PCDHGA1: variants seen among roughly 807,000 people sequenced by gnomAD.
PCDHGA1 encodes the protein protocadherin gamma-A1.
A neutral mutation model predicts 58.0 loss-of-function variants in PCDHGA1; 32 were observed. The ratio of observed to expected loss-of-function variants is 0.55; its 90% CI spans 0.42 to 0.74. The LOEUF is 0.74. PCDHGA1 is among the 30% of genes least tolerant of loss of function. The pLI is 0.00. For synonymous variants in PCDHGA1, 498 were observed against 501.1 expected, an observed-to-expected ratio of 0.99 and a Z score of 0.08; for missense variants, 1,205 against 1,182.3, an observed-to-expected ratio of 1.02 and a Z score of -0.28.
chr5:141,485,938 A>G lies in PCDHGA1; in HGVS notation c.2422-8869A>G. The stretch of plus-strand genomic sequence containing the variant: ...ACAGGATTAGTGTGTTGGAGAGCGC[A>G]CCAGCGGGCATGGTGCTCATCCAGC... On this transcript the variant is annotated intron_variant, in intron 1 of 3. Transcript: ENST00000517417. The surrounding 1 kb of genome is among the most constrained non-coding windows in gnomAD (Gnocchi z 5.7). 6.2e-7 allele frequency: 1 copy of G among 1,614,162 alleles called. No individual in the cohort carries two copies. The highest frequency in any genetic ancestry group is 1.3e-5 in the African/African-American group (1 of 75,028).
chr5:141,457,264 C>T (rs2098915249), intron 1 of PCDHGA1, among the ~76,000 whole-genome samples: 1 of 152,142 alleles, frequency 6.6e-6, no homozygotes, highest in South Asian at 2.1e-4. Flanking sequence ...ATAGAATTCC[C>T]CTCTGTGGGC....
chr5:141,335,764 T>C (rs1180870276), intron 1 of PCDHGA1, among the ~76,000 whole-genome samples: 2 of 152,164 alleles, frequency 1.3e-5, no homozygotes, highest in Admixed American at 1.3e-4. Flanking sequence ...AATAATATAC[T>C]TGCCTTACAA....
In PCDHGA1 at chr5:141,493,079, G is replaced by A. The variant is rs1299289839; in HGVS notation, c.2422-1728G>A. 6.6e-6 allele frequency among the ~76,000 whole-genome samples: 1 copy of A among 152,204 alleles called. No homozygotes were observed. Among genetic ancestry groups the A allele is most frequent in the East Asian group, 1.9e-4 (1 of 5,196 alleles). Reference sequence around the variant, plus strand: ...AAAAACACAAGTTTCTCCAACTCCAGGAGCTTTTATTCAAAATATATCAAT... The same window carrying A: ...AAAAACACAAGTTTCTCCAACTCCAAGAGCTTTTATTCAAAATATATCAAT... On this transcript the variant is annotated intron_variant, in intron 1 of 3. Transcript: ENST00000517417. The surrounding 1 kb of genome is among the most constrained non-coding windows in gnomAD (Gnocchi z 4.3).
intron 1 of PCDHGA1, among the ~76,000 whole-genome samples, chr5:141,386,717 A>G (rs2090680763): frequency 6.6e-6 from 1 of 152,214 alleles, no homozygotes; most frequent in South Asian, 2.1e-4. Flanking sequence ...TGCTGACACC[A>G]ACAATGTTAC....
chr5:141,428,029 C>T (rs775747505), intron 1 of PCDHGA1: 1 of 1,607,160 alleles, frequency 6.2e-7, no homozygotes, highest in Non-Finnish European at 8.5e-7. Flanking sequence ...GCCGCAGAGT[C>T]CGGCTACCTG....
chr5:141,360,690 T>C (rs747739176), intron 1 of PCDHGA1: 5 of 1,613,954 alleles, frequency 3.1e-6, no homozygotes, highest in Non-Finnish European at 4.2e-6. Flanking sequence ...AGAAACAGAC[T>C]CCAGATGGTC....
Position 141,476,019 on chromosome 5 carries a change from C to T in PCDHGA1, c.2422-18788C>T, listed in dbSNP as rs964061075. The T allele has an allele frequency of 3.9e-5, 54 of 1,390,282 alleles. 1 individual carries two copies. Among genetic ancestry groups the T allele is most frequent in the Non-Finnish European group, 4.9e-5 (51 of 1,034,212 alleles). 86.1% of individuals were successfully genotyped at this position (1,390,282 alleles called of 1,614,324 possible). A position where few individuals can be genotyped will look rare whatever the true frequency, so the allele number is the denominator to read the frequency against. Reference sequence around the variant, plus strand: ...ACGGCATCCAGAAAGCCATGTCGGACTCGGCGCCCAGCGCCCAAGCGCTAA... The same window carrying T: ...ACGGCATCCAGAAAGCCATGTCGGATTCGGCGCCCAGCGCCCAAGCGCTAA... On this transcript the variant is annotated intron_variant, in intron 1 of 3. Transcript: ENST00000517417. This position sits in a 1 kb window ranked among gnomAD's most constrained non-coding sequence, Gnocchi z 7.6.
chr5:141,427,819 T>C, intron 1 of PCDHGA1: 1 of 1,531,664 alleles, frequency 6.5e-7, no homozygotes, highest in Non-Finnish European at 8.9e-7. Context: ...AGCGGGGTGG[T>C]GGTCGCGCAG....
chr5:141,391,882 A>C (rs2092435224), intron 1 of PCDHGA1: 1 of 152,226 alleles, frequency 6.6e-6, no homozygotes, highest in Middle Eastern at 3.2e-3. Flanking sequence ...CTTTGGTGAA[A>C]GGGATGGGAT....
chr5:141,470,565 A>T (rs2099233471), intron 1 of PCDHGA1, among the ~76,000 whole-genome samples: 1 of 152,172 alleles, frequency 6.6e-6, no homozygotes, highest in African/African-American at 2.4e-5. Context: ...CCTCTGTGCC[A>T]AGCAGGATCA....
At chr5:141,370,411 G>A (rs757547025) in intron 1 of PCDHGA1, 2 of 1,566,772 alleles carry the variant, frequency 1.3e-6, no homozygotes, top group South Asian at 1.2e-5. Context: ...AATAGCTCCG[G>A]ATGGAGGGGC....
At chr5:141,418,131 A>C (rs1421799777) in intron 1 of PCDHGA1, 1 of 1,614,044 alleles carries the variant, frequency 6.2e-7, no homozygotes, top group East Asian at 2.2e-5. Flanking sequence ...GACCGAATAG[A>C]CCGTGAGCAA....
chr5:141,415,853 G>A, intron 1 of PCDHGA1: 1 of 1,186,350 alleles, frequency 8.4e-7, no homozygotes, highest in Non-Finnish European at 1.1e-6. Flanking sequence ...GCAGAACCTT[G>A]TAGTTTATAG....
chr5:141,486,707 C>A lies in PCDHGA1; in HGVS notation c.2422-8100C>A, dbSNP rs1314530265. On this transcript the variant is annotated intron_variant, in intron 1 of 3. Coordinates refer to ENST00000517417, the MANE Select transcript of PCDHGA1 (RefSeq NM_018912.3). The surrounding 1 kb of genome is among the most constrained non-coding windows in gnomAD (Gnocchi z 5.0). ...AGCTTCCTCTTTCATCTCTCTGAAC[C>A]CCCAGACAGGAGCTGTTCATGCTAC... 2 of 1,614,040 alleles carry A rather than the reference C, an allele frequency of 1.2e-6. No individual in the cohort carries two copies. The highest frequency in any genetic ancestry group is 1.7e-6 in the Non-Finnish European group (2 of 1,180,038).
Position 141,388,565 on chromosome 5 carries a change from G to C in PCDHGA1, c.2421+55460G>C, listed in dbSNP as rs149167054. ...CTCCACCCCTAAGCAGCACTGCACAGATACACGTTCTAGTGACTGATGCCA... is the reference window on the plus strand; with the variant it reads ...CTCCACCCCTAAGCAGCACTGCACACATACACGTTCTAGTGACTGATGCCA... On this transcript the variant is annotated intron_variant, in intron 1 of 3. Transcript: ENST00000517417. The C allele has an allele frequency of 1.1e-3, 1,717 of 1,613,854 alleles. 24 individuals carry two copies. The highest frequency in any genetic ancestry group is 4.6e-4 in the Non-Finnish European group (537 of 1,179,878).
intron 1 of PCDHGA1, among the ~76,000 whole-genome samples, chr5:141,444,786 T>C (rs1252217349): frequency 6.6e-6 from 1 of 152,226 alleles, no homozygotes; most frequent in Non-Finnish European, 1.5e-5. Context: ...CATGTTTCAT[T>C]TGTCTATTCT....
Position 141,376,152 on chromosome 5 carries a change from C to G in PCDHGA1, c.2421+43047C>G, listed in dbSNP as rs376990625. 10 of 1,614,026 alleles carry G rather than the reference C, an allele frequency of 6.2e-6. No individual in the cohort carries two copies. In the African/African-American group the frequency reaches 1.3e-4, roughly 22 times the overall value. On this transcript the variant is annotated intron_variant, in intron 1 of 3. Transcript: ENST00000517417. ...GCCAAACCCAACGATTCGGACCTCACTCTGTACCTGGTGGTGGCGGTGGCC... is the reference window on the plus strand; with the variant it reads ...GCCAAACCCAACGATTCGGACCTCAGTCTGTACCTGGTGGTGGCGGTGGCC...
chr5:141,449,724 A>AT (rs911465424), intron 1 of PCDHGA1, among the ~76,000 whole-genome samples: 1 of 151,176 alleles, frequency 6.6e-6, no homozygotes, highest in African/African-American at 2.4e-5. Context: ...ATATGATATG[A>AT]TTTTTTTATG....
chr5:141,344,515 A>T (rs1757429133), intron 1 of PCDHGA1: 5 of 1,614,020 alleles, frequency 3.1e-6, no homozygotes, highest in Non-Finnish European at 3.4e-6. Flanking sequence ...TTTGACCCAG[A>T]TGTAGGCATT....
Sources: gnomAD v4.1 joint callset for allele counts (sites outside exome capture counted in the v4.1 genomes callset) on GRCh38, gnomAD v4.1.1 for gene constraint, Gnocchi (gnomAD v3.1) non-coding constraint, MANE v1.5 for transcripts, NCBI Gene and HGNC (gene_info 2026-07-23, HGNC 2026-07-21) for gene names.